Variants in ELOVL6 observed in about 807,000 individuals in gnomAD.
ELOVL6 encodes very long chain fatty acid elongase 6.
A neutral mutation model predicts 31.7 loss-of-function variants in ELOVL6; 8 were observed. The ratio of observed to expected loss-of-function variants is 0.25; its 90% CI spans 0.15 to 0.45. The LOEUF is 0.45. ELOVL6 is among the 20% of genes least tolerant of loss of function. The pLI is 1.00. For synonymous variants in ELOVL6, 101 were observed against 117.7 expected (o/e 0.86, Z 0.92); for missense variants, 126 against 326.4 (o/e 0.39, Z 4.73).
chr4:110,165,978 G>A (rs897768462), intron 1 of ELOVL6, among the ~76,000 whole-genome samples: 1 of 152,084 alleles, frequency 6.6e-6, no homozygotes, highest in Non-Finnish European at 1.5e-5. Flanking sequence ...ATCAACCCAC[G>A]ATCCTGCTTT....
intron 1 of ELOVL6, among the ~76,000 whole-genome samples, chr4:110,156,179 C>A (rs908160912): frequency 2.3e-4 from 35 of 152,076 alleles, no homozygotes; most frequent in Non-Finnish European, 4.7e-4. Flanking sequence ...ACAGAGCCTG[C>A]CACATTTAGT....
chr4:110,120,801 T>TTC (rs1553959045), intron 1 of ELOVL6, among the ~76,000 whole-genome samples: 42 of 139,962 alleles, frequency 3.0e-4, no homozygotes, highest in Admixed American at 1.9e-3. Context: ...TTCTTTTCTT[T>TTC]TTTTTTTTTT....
At chr4:110,184,548 G>GT (rs1759385420) in intron 1 of ELOVL6, among the ~76,000 whole-genome samples, 3 of 152,152 alleles carry the variant, frequency 2.0e-5, no homozygotes, top group African/African-American at 7.2e-5. Flanking sequence ...ACCACTGAAG[G>GT]TTTTTAACCA....
At chr4:110,158,585 G>GTA (rs1354817994) in intron 1 of ELOVL6, among the ~76,000 whole-genome samples, 4 of 126,130 alleles carry the variant, frequency 3.2e-5, no homozygotes, top group East Asian at 2.4e-4. Flanking sequence ...ATATATATAT[G>GTA]TATATATATA....
chr4:110,078,734 T>A (rs1755733973), intron 2 of ELOVL6, among the ~76,000 whole-genome samples: 1 of 152,268 alleles, frequency 6.6e-6, no homozygotes, highest in South Asian at 2.1e-4. Context: ...AATTCACACA[T>A]AACCATATTA....
chr4:110,092,789 C>T (rs1232772575), intron 2 of ELOVL6, among the ~76,000 whole-genome samples: 8 of 150,534 alleles, frequency 5.3e-5, no homozygotes, highest in Admixed American at 1.3e-4. Flanking sequence ...ATTTTTAGTT[C>T]GAAATCTTGT....
intron 1 of ELOVL6, among the ~76,000 whole-genome samples, chr4:110,112,725 T>C (rs187494392): frequency 1.3e-5 from 2 of 151,216 alleles, no homozygotes; most frequent in Non-Finnish European, 2.9e-5. Context: ...AAACAAAAAC[T>C]TAGCTGGGTG....
rs1372065552 is a variant in ELOVL6, at chr4:110,084,134, A to ATATATTATATATATAACATATATGTG, written c.221+21362_221+21363insCACATATATGTTATATATATAATATA. ...ATGATATATATAACATATATGTGAT[A>ATATATTATATATATAACATATATGTG]ATGATATATATGATATATATAACAT... On this transcript the variant is annotated intron_variant, in intron 2 of 3. Coordinates refer to ENST00000302274, the MANE Select transcript of ELOVL6 (RefSeq NM_024090.3). 2.9e-3 allele frequency among the ~76,000 whole-genome samples: 131 copies of ATATATTATATATATAACATATATGTG among 45,936 alleles called. 1 individual carries two copies. Among genetic ancestry groups the ATATATTATATATATAACATATATGTG allele is most frequent in the African/African-American group, 0.019 (102 of 5,422 alleles). 30.1% of individuals were successfully genotyped at this position (45,936 alleles called of 152,430 possible).
At chr4:110,152,186 T>C (rs1329341532) in intron 1 of ELOVL6, among the ~76,000 whole-genome samples, 4 of 152,204 alleles carry the variant, frequency 2.6e-5, no homozygotes, top group Non-Finnish European at 4.4e-5. Flanking sequence ...GGTTACCCTA[T>C]AATAAAGTTT....
At chr4:110,142,623 C>T (rs1472070005) in intron 1 of ELOVL6, among the ~76,000 whole-genome samples, 1 of 152,166 alleles carries the variant, frequency 6.6e-6, no homozygotes, top group African/African-American at 2.4e-5. Context: ...AGAATGAACT[C>T]TTGCTCTCTG....
chr4:110,189,195 G>A (rs1759533752), intron 1 of ELOVL6, among the ~76,000 whole-genome samples: 1 of 152,076 alleles, frequency 6.6e-6, no homozygotes, highest in Admixed American at 6.6e-5. Context: ...CAAGAAGATC[G>A]CTTGGACCAA....
At position 110,158,635 on chromosome 4, in the gene ELOVL6, GTATA is replaced by G. The variant is rs780807092; in HGVS notation, c.89+39608_89+39611del. ...TATATACACACACATATATACACGTGTATATATATATATATATATATATTTTTTT... is the reference window on the plus strand; with the variant it reads ...TATATACACACACATATATACACGTGTATATATATATATATATATTTTTTT... On this transcript the variant is annotated intron_variant, in intron 1 of 3. Coordinates refer to ENST00000302274, the MANE Select transcript of ELOVL6 (RefSeq NM_024090.3). Among the ~76,000 whole-genome samples the G allele has an allele frequency of 1.6e-4, 13 of 81,568 alleles. 1 individual carries two copies. The highest frequency in any genetic ancestry group is 5.3e-4 in the African/African-American group (9 of 17,124). 53.5% of individuals were successfully genotyped at this position (81,568 alleles called of 152,430 possible).
chr4:110,076,591 G>A (rs1002450044), intron 2 of ELOVL6, among the ~76,000 whole-genome samples: 1 of 152,158 alleles, frequency 6.6e-6, no homozygotes, highest in Non-Finnish European at 1.5e-5. Context: ...CAAGGATAAA[G>A]TCACCTAGCG....
At chr4:110,140,838 G>C (rs1757931873) in intron 1 of ELOVL6, among the ~76,000 whole-genome samples, 1 of 151,564 alleles carries the variant, frequency 6.6e-6, no homozygotes, top group African/African-American at 2.4e-5. Context: ...AAATAATATT[G>C]TGCATATTCT....
chr4:110,066,748 A>C (rs1200761666), intron 2 of ELOVL6, among the ~76,000 whole-genome samples: 1 of 151,994 alleles, frequency 6.6e-6, no homozygotes, highest in East Asian at 1.9e-4. Flanking sequence ...CTTGAGAACA[A>C]GCATCTTTAT....
intron 2 of ELOVL6, among the ~76,000 whole-genome samples, chr4:110,088,895 A>G (rs2347600): frequency 0.55 from 84,115 of 151,834 alleles, 24,563 homozygotes; most frequent in African/African-American, 0.74. Context: ...AAAACTGTAT[A>G]AATTGTTTGT....
intron 2 of ELOVL6, among the ~76,000 whole-genome samples, chr4:110,078,772 C>A (rs1303053327): frequency 2.6e-5 from 4 of 152,140 alleles, no homozygotes; most frequent in Non-Finnish European, 5.9e-5. Context: ...GCTAAATGCT[C>A]CAAATTAAAG....
chr4:110,112,503 G>GA (rs141792289), intron 1 of ELOVL6, among the ~76,000 whole-genome samples: 219 of 152,294 alleles, frequency 1.4e-3, no homozygotes, highest in Non-Finnish European at 2.8e-3. Flanking sequence ...AAACTGATCA[G>GA]AAAAAATCAG....
chr4:110,184,168 T>C (rs577888847), intron 1 of ELOVL6, among the ~76,000 whole-genome samples: 1 of 152,292 alleles, frequency 6.6e-6, no homozygotes, highest in East Asian at 1.9e-4. Flanking sequence ...GAGTAAAATA[T>C]TTTTAAGGGA....
Sources: allele counts gnomAD v4.1 joint callset (sites outside exome capture counted in the v4.1 genomes callset), GRCh38; gene constraint gnomAD v4.1.1; transcripts MANE v1.5; gene names NCBI Gene and HGNC (gene_info 2026-07-23, HGNC 2026-07-21).